The following COL3A1 variants were observed in gnomAD, a reference collection of about 807,000 sequenced individuals.
COL3A1 encodes collagen alpha-1(III) chain.
A neutral mutation model predicts 200.9 loss-of-function variants in COL3A1; 46 were observed. The ratio of observed to expected loss-of-function variants is 0.23; its 90% CI spans 0.18 to 0.29. The LOEUF is 0.29. COL3A1 is among the 10% of genes least tolerant of loss of function. The pLI is 1.00. For missense variants in COL3A1, 1,367 were observed against 1,917.6 expected, an observed-to-expected ratio of 0.71 and a Z score of 5.36; for synonymous variants, 650 against 628.0, an observed-to-expected ratio of 1.03 and a Z score of -0.52.
At chr2:189,005,656 A>C (rs1354829933) in intron 41 of COL3A1, 199 bp downstream of exon 41, 1 of 657,958 alleles carries the variant, frequency 1.5e-6, no homozygotes, top group Non-Finnish European at 2.8e-6. Flanking sequence ...CCAATGAATA[A>C]TCATTTGTGG....
At chr2:188,988,181 T>C in intron 6 of COL3A1, 47 bp downstream of exon 6, 2 of 1,485,388 alleles carry the variant, frequency 1.3e-6, no homozygotes, top group Non-Finnish European at 1.9e-6. Flanking sequence ...TTTAGAAAAA[T>C]CAAATTAATA....
At position 188,993,484 on chromosome 2, in the gene COL3A1, T is replaced by TAAGCATAGTTTCATGCTTACTCCATGA. The variant is rs531947962; in HGVS notation, c.1149+59_1149+85dup. On this transcript the variant is annotated intron_variant, in intron 16 of 50. Coordinates refer to ENST00000304636, the MANE Select transcript of COL3A1 (RefSeq NM_000090.4). ...TGTAAGTATCATAGTTGAGAGGGAG[T>TAAGCATAGTTTCATGCTTACTCCATGA]AAGCATAGTTTCATGCTTACTCCAT... The TAAGCATAGTTTCATGCTTACTCCATGA allele has an allele frequency of 7.3e-4, 1,099 of 1,510,600 alleles. 8 individuals are homozygous for TAAGCATAGTTTCATGCTTACTCCATGA. The highest frequency in any genetic ancestry group is 1.3e-3 in the Admixed American group (66 of 50,862). 93.6% of individuals were successfully genotyped at this position (1,510,600 alleles called of 1,614,324 possible). A position where few individuals can be genotyped will look rare whatever the true frequency, so the allele number is the denominator to read the frequency against.
chr2:188,977,828 G>A (rs1227134418), intron 1 of COL3A1, among the ~76,000 whole-genome samples: 1 of 151,876 alleles, frequency 6.6e-6, no homozygotes, highest in African/African-American at 2.4e-5. Flanking sequence ...ATTTCTAAAG[G>A]TGAAAAAAGA....
intron 21 of COL3A1, 56 bp from the exon 22 acceptor site, chr2:188,995,636 C>A: frequency 8.5e-7 from 1 of 1,181,180 alleles, no homozygotes; most frequent in Non-Finnish European, 1.2e-6. Context: ...AATATTGTTG[C>A]TATCTAGGTT....
chr2:188,986,377 T>C (rs1688064586), intron 4 of COL3A1, among the ~76,000 whole-genome samples: 1 of 151,978 alleles, frequency 6.6e-6, no homozygotes, highest in South Asian at 2.1e-4. Flanking sequence ...TTACACAAAT[T>C]TTTGTGAGGT....
Sources: gnomAD v4.1 joint callset for allele counts (sites outside exome capture counted in the v4.1 genomes callset) on GRCh38, gnomAD v4.1.1 for gene constraint, MANE v1.5 for transcripts, NCBI Gene and HGNC (gene_info 2026-07-23, HGNC 2026-07-21) for gene names.